AGPAT3: variants seen among roughly 807,000 people sequenced by gnomAD.
The protein encoded by AGPAT3 is 1-acyl-sn-glycerol-3-phosphate acyltransferase gamma.
AGPAT3 carries 5 observed loss-of-function variants against 47.3 expected under a neutral mutation model. That is an observed-to-expected ratio of 0.11 (90% confidence interval 0.06 to 0.22). The LOEUF (loss-of-function observed/expected upper bound fraction) is 0.22. Ranked by LOEUF, AGPAT3 falls within the 10% of genes least tolerant of loss-of-function variation. The probability of loss-of-function intolerance (pLI) is 1.00; values close to 1 mark genes in which losing one functional copy is unlikely to be tolerated. For missense variants in AGPAT3, 315 were observed against 493.0 expected (o/e 0.64, Z 3.42); for synonymous variants, 212 against 208.3 (o/e 1.02, Z -0.15).
chr21:43,875,419 C>T (rs985593486), intron 1 of AGPAT3, among the ~76,000 whole-genome samples: 1 of 152,190 alleles, frequency 6.6e-6, no homozygotes, highest in African/African-American at 2.4e-5. Flanking sequence ...TGTGGAACCC[C>T]TAGATATGGA....
chr21:43,983,096 C>T lies in AGPAT3; in HGVS notation c.*704C>T, dbSNP rs548093937. The T allele has an allele frequency of 5.9e-5, 9 of 152,386 alleles. No individual in the cohort carries two copies. The highest frequency in any genetic ancestry group is 4.1e-4 in the South Asian group (2 of 4,828). 9.4% of individuals were successfully genotyped at this position (152,386 alleles called of 1,614,324 possible). A position where few individuals can be genotyped will look rare whatever the true frequency, so the allele number is the denominator to read the frequency against. Reference sequence around the variant, plus strand: ...CATCTGTTTTTAAAGTGGATGGGCCCCTGAGAACTCAGTGAAATGCAGAGT... The same window carrying T: ...CATCTGTTTTTAAAGTGGATGGGCCTCTGAGAACTCAGTGAAATGCAGAGT... On this transcript the variant is annotated 3_prime_UTR_variant, in exon 10 of 10. Transcript: ENST00000291572.
At chr21:43,898,219 T>C (rs1056932149) in intron 1 of AGPAT3, among the ~76,000 whole-genome samples, 1 of 152,254 alleles carries the variant, frequency 6.6e-6, no homozygotes, top group African/African-American at 2.4e-5. Context: ...TTACTTTAAA[T>C]GTAGCTGCAG....
In AGPAT3 at chr21:43,972,689, A is replaced by G. The variant is rs182481974; in HGVS notation, c.767+1199A>G. Among the ~76,000 whole-genome samples, 244 of 152,304 alleles carry G rather than the reference A, an allele frequency of 1.6e-3. 1 individual carries two copies. Among genetic ancestry groups the G allele is most frequent in the African/African-American group, 5.1e-3 (213 of 41,568 alleles). ...GACTCTCCAAGCTTCTCTGGCTCAC[A>G]TAGAGGAGAAAATCCACCCAGAAAT... On this transcript the variant is annotated intron_variant, in intron 7 of 9. Transcript: ENST00000291572.
Position 43,933,660 on chromosome 21 carries a change from C to A in AGPAT3, c.-48-25974C>A, listed in dbSNP as rs1434817928. On this transcript the variant is annotated intron_variant, in intron 2 of 9. Transcript: ENST00000291572. The surrounding 1 kb of genome is among the most constrained non-coding windows in gnomAD (Gnocchi z 6.0). ...AGCGGTTGGCACTGGGGTTAGGCTC[C>A]AGTAGTCTCGGCATGTAGCAGCAAA... Among the ~76,000 whole-genome samples, 2 of 151,942 alleles carry A rather than the reference C, an allele frequency of 1.3e-5. No homozygotes were observed. Among genetic ancestry groups the A allele is most frequent in the Admixed American group, 6.6e-5 (1 of 15,228 alleles).
rs559632108 is a variant in AGPAT3, at chr21:43,948,711, C to T, written c.-48-10923C>T. 3.9e-4 allele frequency among the ~76,000 whole-genome samples: 59 copies of T among 152,330 alleles called. No individual in the cohort carries two copies. In the South Asian group the frequency reaches 0.012, roughly 30 times the overall value. ...AAAACAGGCAATGCTAAAAGATTCTCATGAACCTAGCAGCGGTTTTAATTT... is the reference window on the plus strand; with the variant it reads ...AAAACAGGCAATGCTAAAAGATTCTTATGAACCTAGCAGCGGTTTTAATTT... On this transcript the variant is annotated intron_variant, in intron 2 of 9. Transcript: ENST00000291572.
intron 1 of AGPAT3, among the ~76,000 whole-genome samples, chr21:43,889,719 G>C (rs1011903767): frequency 2.0e-5 from 3 of 152,168 alleles, no homozygotes; most frequent in African/African-American, 7.2e-5. Flanking sequence ...ACTGTAGTCT[G>C]TTAAGTGTGC....
At chr21:43,972,985 G>A (rs1399398689) in intron 7 of AGPAT3, among the ~76,000 whole-genome samples, 1 of 152,186 alleles carries the variant, frequency 6.6e-6, no homozygotes, top group Non-Finnish European at 1.5e-5. Flanking sequence ...CCTGCCCACG[G>A]TGGCCACAGG....
At chr21:43,962,149 C>G (rs924856231) in intron 3 of AGPAT3, among the ~76,000 whole-genome samples, 2 of 151,860 alleles carry the variant, frequency 1.3e-5, no homozygotes, top group African/African-American at 4.8e-5. Context: ...TACAGGCACC[C>G]GCCACCACTC....
At chr21:43,907,844 A>T (rs2086539732) in intron 2 of AGPAT3, among the ~76,000 whole-genome samples, 1 of 152,188 alleles carries the variant, frequency 6.6e-6, no homozygotes, top group South Asian at 2.1e-4. Flanking sequence ...AGCAACAACA[A>T]CCAAACCCCC....
rs574632115 is a variant in AGPAT3 at position 43,877,201 on chromosome 21, T to G, written c.-112+11856T>G. Among the ~76,000 whole-genome samples, 526 of 152,268 alleles carry G rather than the reference T, an allele frequency of 3.5e-3. 2 individuals carry two copies. The highest frequency in any genetic ancestry group is 6.3e-3 in the Non-Finnish European group (429 of 68,016). ...GCAAAATGTGACTCAGATTTTGTCC[T>G]TATAAACTTAACCTTTTGTCGACTT... On this transcript the variant is annotated intron_variant, in intron 1 of 9. Transcript: ENST00000291572.
In AGPAT3 at chr21:43,954,618, G is replaced by A. The variant is rs1009418847; in HGVS notation, c.-48-5016G>A. 6.6e-6 allele frequency: 1 copy of A among 152,396 alleles called. No individual in the cohort carries two copies. The highest frequency in any genetic ancestry group is 2.4e-5 in the African/African-American group (1 of 41,470). The allele number at this position is 152,396 out of a possible 1,614,324, so 9.4% of individuals were successfully genotyped here. ...CAGCGAGGGAGCACGTCAAAAGGCT[G>A]TGGGCCGTGCAGACAGCTGGGGGAC... On this transcript the variant is annotated intron_variant, in intron 2 of 9. Transcript: ENST00000291572. This position sits in a 1 kb window ranked among gnomAD's most constrained non-coding sequence, Gnocchi z 4.0.
chr21:43,912,557 T>C (rs1303646642), intron 2 of AGPAT3, among the ~76,000 whole-genome samples: 1 of 152,262 alleles, frequency 6.6e-6, no homozygotes, highest in African/African-American at 2.4e-5. Flanking sequence ...TGCCAGTGGC[T>C]GCAGGAAGTG....
chr21:43,967,706 C>G lies in AGPAT3; in HGVS notation c.179-240C>G. 7 of 507,756 alleles carry G rather than the reference C, an allele frequency of 1.4e-5. No individual in the cohort carries two copies. The South Asian group carries it at 1.8e-4, about 13-fold the overall frequency. The allele number at this position is 507,756 out of a possible 1,614,324, so 31.5% of individuals were successfully genotyped here. On this transcript the variant is annotated intron_variant, in intron 3 of 9. Transcript: ENST00000291572. ...TAATTGGGCGTAAAGATCAGCGTCT[C>G]CATGCAGAGTGGCGGTTCTCTCCCT...
intron 2 of AGPAT3, among the ~76,000 whole-genome samples, chr21:43,949,284 G>C (rs1200932738): frequency 6.6e-6 from 1 of 152,212 alleles, no homozygotes; most frequent in African/African-American, 2.4e-5. Context: ...TCAATTCTGT[G>C]GGTCAGCAAT....
intron 7 of AGPAT3, 141 bp from the exon 8 acceptor site, chr21:43,977,902 AAAG>A (rs1346871406): frequency 1.9e-5 from 12 of 618,562 alleles, no homozygotes; most frequent in East Asian, 5.8e-5. Flanking sequence ...AAAAAAAAGA[AAAG>A]AAAAGAAATT....
At chr21:43,951,194 C>T (rs2088175870) in intron 2 of AGPAT3, among the ~76,000 whole-genome samples, 2 of 152,182 alleles carry the variant, frequency 1.3e-5, no homozygotes, top group Admixed American at 6.5e-5. Context: ...TACACCAGAG[C>T]CCTTGGGTGC....
intron 1 of AGPAT3, chr21:43,867,755 C>T (rs1181469781): frequency 2.0e-5 from 3 of 152,206 alleles, no homozygotes; most frequent in South Asian, 2.1e-4. Context: ...TTTTTAATGA[C>T]TTGTTTAATG....
rs1327545634 is a variant in AGPAT3 at position 43,939,764 on chromosome 21, G to A, written c.-48-19870G>A. ...CCACAACCTGGCCCCTTGACACACT[G>A]GTGCTGTGAGGAGGAAGATGTGGGC... On this transcript the variant is annotated intron_variant, in intron 2 of 9. Coordinates refer to ENST00000291572, the MANE Select transcript of AGPAT3 (RefSeq NM_020132.5). The surrounding 1 kb of genome is among the most constrained non-coding windows in gnomAD (Gnocchi z 4.4). 1.3e-5 allele frequency among the ~76,000 whole-genome samples: 2 copies of A among 152,174 alleles called. No homozygotes were observed. The highest frequency in any genetic ancestry group is 4.8e-5 in the African/African-American group (2 of 41,422).
intron 7 of AGPAT3, among the ~76,000 whole-genome samples, chr21:43,976,325 G>A (rs770677140): frequency 4.6e-5 from 7 of 151,770 alleles, no homozygotes; most frequent in Non-Finnish European, 7.4e-5. Flanking sequence ...TTGGCCTCTC[G>A]AGTAGCTGGG....
Sources: gnomAD v4.1 joint callset for allele counts (sites outside exome capture counted in the v4.1 genomes callset) on GRCh38, gnomAD v4.1.1 for gene constraint, Gnocchi (gnomAD v3.1) non-coding constraint, MANE v1.5 for transcripts, NCBI Gene and HGNC (gene_info 2026-07-23, HGNC 2026-07-21) for gene names.